The following NAALADL2 variants were observed in gnomAD, a reference collection of about 807,000 sequenced individuals.
NAALADL2 encodes the protein N-acetylated alpha-linked acidic dipeptidase like 2, also known as inactive N-acetylated-alpha-linked acidic dipeptidase-like protein 2.
Under a neutral mutation model 87.2 loss-of-function variants are expected in NAALADL2, and 76 were observed. The observed-to-expected ratio is 0.87, with a 90% CI of 0.72 to 1.05. NAALADL2 has a LOEUF of 1.05. NAALADL2 is among the 50% of genes least tolerant of loss of function. The probability of loss-of-function intolerance (pLI) is 0.00; values close to 1 mark genes in which losing one functional copy is unlikely to be tolerated. For synonymous variants in NAALADL2, 354 were observed against 331.0 expected, an observed-to-expected ratio of 1.07 and a Z score of -0.75; for missense variants, 1,089 against 945.8, an observed-to-expected ratio of 1.15 and a Z score of -1.99.
intron 2 of NAALADL2, among the ~76,000 whole-genome samples, chr3:175,143,988 T>C (rs1039520491): frequency 5.1e-4 from 77 of 151,944 alleles, no homozygotes; most frequent in Non-Finnish European, 9.9e-4. Flanking sequence ...GAAAGGAAGT[T>C]ATTTTAAATT....
intron 9 of NAALADL2, among the ~76,000 whole-genome samples, chr3:175,531,504 G>A (rs1297287674): frequency 6.6e-6 from 1 of 152,218 alleles, no homozygotes; most frequent in East Asian, 1.9e-4. Context: ...TGTCATCAGT[G>A]TAATGGACCA....
At chr3:175,015,010 A>AT (rs535991304) in intron 1 of NAALADL2, among the ~76,000 whole-genome samples, 1 of 152,020 alleles carries the variant, frequency 6.6e-6, no homozygotes, top group Admixed American at 6.6e-5. Context: ...TGTGTATTAG[A>AT]TTTTCTCAAT....
rs183353088 is a variant in NAALADL2, at chr3:174,778,211, G to A, written c.-9+40465G>A. Among the ~76,000 whole-genome samples the A allele has an allele frequency of 1.5e-3, 224 of 152,154 alleles. 1 individual carries two copies. The highest frequency in any genetic ancestry group is 5.3e-3 in the African/African-American group (218 of 41,522). ...TCTAAGTTTTAAGTGTCCATAATAA[G>A]GGAGGGCTTGGAACTTATCTTGATT... On this transcript the variant is annotated intron_variant, in intron 3 of 3. Transcript: ENST00000434257.
chr3:175,575,875 T>C (rs1718796334), intron 9 of NAALADL2, among the ~76,000 whole-genome samples, 166 bp from the exon 10 acceptor site: 1 of 152,194 alleles, frequency 6.6e-6, no homozygotes, highest in African/African-American at 2.4e-5. Context: ...TCCTGGGCTC[T>C]ACCACCCATT....
At chr3:175,365,962 C>T (rs1404249864) in intron 5 of NAALADL2, among the ~76,000 whole-genome samples, 5 of 140,152 alleles carry the variant, frequency 3.6e-5, no homozygotes, top group East Asian at 4.5e-4. Context: ...GCTAGTGTGC[C>T]GCACCCATTA....
intron 4 of NAALADL2, among the ~76,000 whole-genome samples, chr3:175,277,989 T>A (rs1257742811): frequency 6.6e-6 from 1 of 152,188 alleles, no homozygotes; most frequent in East Asian, 1.9e-4. Flanking sequence ...CAGTTTATAA[T>A]TTAATGCATT....
At chr3:175,317,492 C>T (rs563515863) in intron 4 of NAALADL2, among the ~76,000 whole-genome samples, 1 of 151,934 alleles carries the variant, frequency 6.6e-6, no homozygotes, top group Non-Finnish European at 1.5e-5. Flanking sequence ...TTGGAGTTAG[C>T]TCTCAAGATA....
chr3:174,839,916 G>A (rs1054926565), intron 3 of NAALADL2, among the ~76,000 whole-genome samples: 6 of 152,066 alleles, frequency 3.9e-5, no homozygotes, highest in African/African-American at 1.4e-4. Context: ...ATGTAAACTA[G>A]TACAATTACT....
chr3:175,292,327 T>G (rs141101549), intron 4 of NAALADL2, among the ~76,000 whole-genome samples: 18 of 152,330 alleles, frequency 1.2e-4, no homozygotes, highest in African/African-American at 4.3e-4. Flanking sequence ...TACTTTGATT[T>G]ATAGTTTTAG....
chr3:175,206,287 T>TTC (rs1484604859), intron 2 of NAALADL2, among the ~76,000 whole-genome samples: 1 of 127,816 alleles, frequency 7.8e-6, no homozygotes, highest in African/African-American at 3.4e-5. Context: ...TGTGTGTGTG[T>TTC]ATGTATGTGT....
At chr3:174,783,567 G>A (rs1229410287) in intron 3 of NAALADL2, among the ~76,000 whole-genome samples, 1 of 152,054 alleles carries the variant, frequency 6.6e-6, no homozygotes, top group Non-Finnish European at 1.5e-5. Flanking sequence ...TCAATTTGTA[G>A]GCCAAATTTA....
chr3:174,828,878 T>C (rs1722294853), intron 3 of NAALADL2, among the ~76,000 whole-genome samples: 1 of 152,180 alleles, frequency 6.6e-6, no homozygotes, highest in African/African-American at 2.4e-5. Flanking sequence ...TAGAACAAAA[T>C]GCTCTACATT....
chr3:175,197,322 A>T (rs763979266), intron 2 of NAALADL2, among the ~76,000 whole-genome samples: 4 of 151,950 alleles, frequency 2.6e-5, no homozygotes, highest in Non-Finnish European at 4.4e-5. Flanking sequence ...TTTTTATAAT[A>T]GTTTTGTGTA....
chr3:175,390,553 C>A (rs962648630), intron 5 of NAALADL2, among the ~76,000 whole-genome samples: 1 of 152,008 alleles, frequency 6.6e-6, no homozygotes, highest in South Asian at 2.1e-4. Flanking sequence ...TGGTTTTGAG[C>A]TTCGGGATGA....
intron 10 of NAALADL2, among the ~76,000 whole-genome samples, chr3:175,612,541 G>A (rs1186742668): frequency 6.6e-6 from 1 of 152,050 alleles, no homozygotes; most frequent in Non-Finnish European, 1.5e-5. Flanking sequence ...TTCTTAACCC[G>A]ATGTTTAGAT....
At chr3:175,258,132 C>A (rs1456602211) in intron 4 of NAALADL2, among the ~76,000 whole-genome samples, 1 of 151,910 alleles carries the variant, frequency 6.6e-6, no homozygotes, top group African/African-American at 2.4e-5. Flanking sequence ...CATGGTGAAA[C>A]CCTGTCTCTA....
chr3:175,008,018 G>T (rs1749270306), intron 1 of NAALADL2, among the ~76,000 whole-genome samples: 2 of 152,004 alleles, frequency 1.3e-5, no homozygotes, highest in South Asian at 4.2e-4. Context: ...TCATTTCCCG[G>T]GTAGGATTGG....
chr3:175,496,923 T>C (rs62287077), intron 9 of NAALADL2, among the ~76,000 whole-genome samples: 13,170 of 152,084 alleles, frequency 0.087, 662 homozygotes, highest in South Asian at 0.12. Context: ...TTACACAGAG[T>C]ATTTTATTTA....
chr3:174,602,713 A>G (rs879192644), intron 2 of NAALADL2, among the ~76,000 whole-genome samples: 2 of 152,022 alleles, frequency 1.3e-5, no homozygotes, highest in Admixed American at 1.3e-4. Flanking sequence ...TCCAGATCTT[A>G]AAAAAGACTT....
Sources: allele counts gnomAD v4.1 joint callset (sites outside exome capture counted in the v4.1 genomes callset), GRCh38; gene constraint gnomAD v4.1.1; transcripts MANE v1.5; gene names NCBI Gene and HGNC (gene_info 2026-07-23, HGNC 2026-07-21).